Variants in PKHD1L1 observed in about 807,000 individuals in gnomAD.
PKHD1L1 encodes the protein PKHD1 like 1.
In PKHD1L1, 434 loss-of-function variants were observed where a neutral mutation model predicts 462.9. The observed-to-expected ratio is 0.94, with a 90% CI of 0.87 to 1.02. The LOEUF is 1.02. Ranked by LOEUF, PKHD1L1 falls within the 50% of genes least tolerant of loss-of-function variation. The pLI, the probability that PKHD1L1 is intolerant of heterozygous loss-of-function variation, is 0.00. For synonymous variants in PKHD1L1, 1,781 were observed against 1,750.0 expected, an observed-to-expected ratio of 1.02 and a Z score of -0.44; for missense variants, 5,202 against 5,096.1, an observed-to-expected ratio of 1.02 and a Z score of -0.63.
At chr8:109,493,636 T>G (rs1818939429) in intron 62 of PKHD1L1, 25 bp from the exon 63 acceptor site, 1 of 1,440,902 alleles carries the variant, frequency 6.9e-7, no homozygotes, top group South Asian at 1.2e-5. Flanking sequence ...TGATGCACAG[T>G]ATTTTTTTTT....
At chr8:109,521,968 T>G (rs1295813502) in intron 73 of PKHD1L1, among the ~76,000 whole-genome samples, 1 of 152,182 alleles carries the variant, frequency 6.6e-6, no homozygotes, top group Non-Finnish European at 1.5e-5. Context: ...TCTACCTTTG[T>G]TTTTCCTTTA....
intron 13 of PKHD1L1, 94 bp downstream of exon 13, chr8:109,400,438 T>A: frequency 1.5e-6 from 2 of 1,348,766 alleles, no homozygotes; most frequent in South Asian, 1.5e-5. Context: ...TGAACATTTT[T>A]AAAATGTATG....
At chr8:109,494,809 T>C (rs1275159972) in intron 63 of PKHD1L1, among the ~76,000 whole-genome samples, 1 of 151,918 alleles carries the variant, frequency 6.6e-6, no homozygotes, top group Non-Finnish European at 1.5e-5. Context: ...AAATAACCTC[T>C]ATATTTTCAA....
At chr8:109,497,989 C>A (rs1479936931) in intron 65 of PKHD1L1, among the ~76,000 whole-genome samples, 2 of 151,524 alleles carry the variant, frequency 1.3e-5, no homozygotes, top group Admixed American at 6.6e-5. Context: ...GGGTAGCAAC[C>A]TTTTTCATCT....
intron 25 of PKHD1L1, 84 bp from the exon 26 acceptor site, chr8:109,429,256 G>T: frequency 1.7e-6 from 2 of 1,162,846 alleles, no homozygotes; most frequent in East Asian, 2.8e-5. Flanking sequence ...ATTCACCTTT[G>T]CCTATGCTGA....
intron 71 of PKHD1L1, among the ~76,000 whole-genome samples, chr8:109,514,581 T>C (rs1343913399): frequency 6.6e-6 from 1 of 152,140 alleles, no homozygotes; most frequent in African/African-American, 2.4e-5. Flanking sequence ...CCAAAGAAGA[T>C]TCCAGAACTA....
In PKHD1L1 at chr8:109,394,418, T is replaced by A; in HGVS notation, c.744T>A (p.Ser248Arg). ...AAATTTAATCTTTTTTTAACAGGAG[T>A]TTTCCACAGAAAATGGCATATTTTG... Reference protein sequence around the residue: ...SFILDNDYGRSFPQKMAYFVS... With the variant: ...SFILDNDYGRRFPQKMAYFVS... Residue 248 changes from serine to arginine, a missense_variant, in exon 10 of 78, where the codon AGT (serine) becomes AGA (arginine). Coordinates refer to ENST00000378402, the MANE Select transcript of PKHD1L1 (RefSeq NM_177531.6). The A allele has an allele frequency of 6.8e-7, 1 of 1,479,376 alleles. No homozygotes were observed. The highest frequency in any genetic ancestry group is 9.1e-7 in the Non-Finnish European group (1 of 1,104,520). The allele number at this position is 1,479,376 out of a possible 1,614,324, so 91.6% of individuals were successfully genotyped here.
At chr8:109,388,197 C>T (rs543112195) in intron 6 of PKHD1L1, among the ~76,000 whole-genome samples, 97 of 152,278 alleles carry the variant, frequency 6.4e-4, no homozygotes, top group African/African-American at 2.3e-3. Context: ...TTTAACACCT[C>T]TAACACACCA....
intron 59 of PKHD1L1, among the ~76,000 whole-genome samples, chr8:109,488,670 T>A (rs917035092): frequency 2.6e-5 from 4 of 151,984 alleles, no homozygotes; most frequent in Non-Finnish European, 4.4e-5. Flanking sequence ...ATCTTTATAT[T>A]GAGCAAACAG....
At chr8:109,404,944 A>AAGATATATATATTTTTC in intron 15 of PKHD1L1, 51 bp from the exon 16 acceptor site, 1 of 1,254,692 alleles carries the variant, frequency 8.0e-7, no homozygotes, top group Non-Finnish European at 1.1e-6. Flanking sequence ...TGATGCTTTT[A>AAGATATATATATTTTTC]AGATATATAT....
intron 6 of PKHD1L1, among the ~76,000 whole-genome samples, chr8:109,387,471 C>A (rs1474630104): frequency 6.6e-6 from 1 of 152,108 alleles, no homozygotes; most frequent in African/African-American, 2.4e-5. Flanking sequence ...CAGGCTTGGG[C>A]AATCTGCTTA....
At chr8:109,473,686 T>A (rs1817840475) in intron 50 of PKHD1L1, among the ~76,000 whole-genome samples, 1 of 152,106 alleles carries the variant, frequency 6.6e-6, no homozygotes, top group African/African-American at 2.4e-5. Context: ...ACTCAATAGC[T>A]TAAGCCTACA....
chr8:109,430,136 C>T, intron 27 of PKHD1L1, 99 bp downstream of exon 27: 3 of 720,606 alleles, frequency 4.2e-6, no homozygotes, highest in Non-Finnish European at 6.8e-6. Context: ...ACTAGTGTCA[C>T]TAGCTAAAGC....
chr8:109,436,556 A>G, intron 30 of PKHD1L1, 97 bp downstream of exon 30: 1 of 1,525,444 alleles, frequency 6.6e-7, no homozygotes, highest in Non-Finnish European at 8.7e-7. Flanking sequence ...CAAGTGGTGT[A>G]TTTACTTAGG....
At chr8:109,483,176 C>T in intron 57 of PKHD1L1, 71 bp downstream of exon 57, 1 of 1,014,546 alleles carries the variant, frequency 9.9e-7, no homozygotes, top group South Asian at 2.3e-5. Flanking sequence ...TTCTATTCTA[C>T]TCTCATGGGC....
Position 109,445,627 on chromosome 8 carries a change from G to C in PKHD1L1, c.5758G>C (p.Gly1920Arg). Reference protein sequence around the residue: ...YALEDTPFLRGIIPSRGPPGT... With the variant: ...YALEDTPFLRRIIPSRGPPGT... ...CCTGGAGGATACTCCATTTCTCAGA[G>C]GAATTATCCCAAGCAGAGGTACTCC... The change falls in exon 38 of 78, where the codon GGA becomes CGA. Residue 1920 changes from glycine to arginine, a missense_variant. Physicochemically the swap from Gly to Arg is moderately radical, Grantham distance 125 (BLOSUM62 -2). Transcript: ENST00000378402. 2 of 1,607,248 alleles carry C rather than the reference G, an allele frequency of 1.2e-6. No homozygotes were observed. Among genetic ancestry groups the C allele is most frequent in the Non-Finnish European group, 1.7e-6 (2 of 1,175,384 alleles).
At chr8:109,515,342 T>G (rs1195905686) in intron 72 of PKHD1L1, 37 bp downstream of exon 72, 2 of 1,354,952 alleles carry the variant, frequency 1.5e-6, no homozygotes, top group Non-Finnish European at 2.0e-6. Context: ...ACATGGAAAA[T>G]GTACTTATTT....
At chr8:109,448,065 AG>A in intron 38 of PKHD1L1, 77 bp from the exon 39 acceptor site, 2 of 1,250,198 alleles carry the variant, frequency 1.6e-6, no homozygotes, top group Non-Finnish European at 2.2e-6. Context: ...TATTTGTAAA[AG>A]TAAAGAGGTA....
chr8:109,510,195 A>G (rs1434382721), intron 70 of PKHD1L1, among the ~76,000 whole-genome samples: 1 of 152,170 alleles, frequency 6.6e-6, no homozygotes, highest in African/African-American at 2.4e-5. Flanking sequence ...GTGTTTGTTG[A>G]ATTTACAAAT....
Sources: allele counts gnomAD v4.1 joint callset (sites outside exome capture counted in the v4.1 genomes callset), GRCh38; gene constraint gnomAD v4.1.1; transcripts MANE v1.5; gene names NCBI Gene and HGNC (gene_info 2026-07-23, HGNC 2026-07-21).